GTPBP4: variants seen among roughly 807,000 people sequenced by gnomAD.
GTPBP4 encodes GTP-binding protein 4.
GTPBP4 carries 15 observed loss-of-function variants against 81.7 expected under a neutral mutation model. The observed-to-expected ratio is 0.18, with a 90% CI of 0.12 to 0.28. GTPBP4 has a LOEUF of 0.28. GTPBP4 is among the 10% of genes least tolerant of loss of function. GTPBP4 has a pLI of 1.00. For synonymous variants in GTPBP4, 272 were observed against 274.6 expected, an observed-to-expected ratio of 0.99 and a Z score of 0.09; for missense variants, 847 against 793.8, an observed-to-expected ratio of 1.07 and a Z score of -0.81.
chr10:999,228 C>T, intron 6 of GTPBP4, 133 bp downstream of exon 6: 2 of 621,654 alleles, frequency 3.2e-6, no homozygotes, highest in South Asian at 1.8e-5. Context: ...AAGTGATTCT[C>T]CTGCCTCAGC....
At chr10:990,773 C>T (rs1008790426) in intron 1 of GTPBP4, among the ~76,000 whole-genome samples, 1 of 142,462 alleles carries the variant, frequency 7.0e-6, no homozygotes, top group Non-Finnish European at 1.5e-5. Flanking sequence ...TCTCGTATGA[C>T]CATACTAGAA....
At chr10:998,099 G>A (rs2132159901) in intron 5 of GTPBP4, among the ~76,000 whole-genome samples, 1 of 151,960 alleles carries the variant, frequency 6.6e-6, no homozygotes, top group South Asian at 2.1e-4. Flanking sequence ...CTTTCTTTTT[G>A]TTGAAACTTT....
intron 2 of GTPBP4, 40 bp downstream of exon 2, chr10:992,699 G>A (rs2132155241): frequency 8.0e-7 from 1 of 1,253,612 alleles, no homozygotes; most frequent in Non-Finnish European, 1.1e-6. Context: ...TGTAAATACG[G>A]GCTTTCAGAG....
chr10:999,206 C>G, intron 6 of GTPBP4, 111 bp downstream of exon 6: 1 of 669,190 alleles, frequency 1.5e-6, no homozygotes, highest in East Asian at 2.8e-5. Context: ...GCAACCTTCA[C>G]CTCCCAGGTT....
At chr10:992,115 T>G (rs1831455226) in intron 1 of GTPBP4, among the ~76,000 whole-genome samples, 2 of 150,670 alleles carry the variant, frequency 1.3e-5, no homozygotes, top group Admixed American at 1.3e-4. Context: ...TAAGAAGGTT[T>G]CAGGGCCGGG....
intron 16 of GTPBP4, 109 bp downstream of exon 16, chr10:1,016,005 T>C: frequency 2.1e-6 from 2 of 966,532 alleles, no homozygotes; most frequent in South Asian, 3.0e-5. Flanking sequence ...ATGGCAGGGG[T>C]TGTGTGTACT....
At chr10:1,012,988 T>C (rs923108447) in intron 14 of GTPBP4, among the ~76,000 whole-genome samples, 9 of 152,060 alleles carry the variant, frequency 5.9e-5, no homozygotes, top group African/African-American at 2.2e-4. Flanking sequence ...TCTCTCTCTC[T>C]TTTTTTTAGG....
In GTPBP4 at chr10:989,219, ATTCTCCTGC is replaced by A. The variant is rs1163136750; in HGVS notation, c.48+696_48+704del. Among the ~76,000 whole-genome samples the A allele has an allele frequency of 4.1e-5, 6 of 146,324 alleles. No homozygotes were observed. In the South Asian group the frequency reaches 6.4e-4, roughly 15 times the overall value. On this transcript the variant is annotated intron_variant, in intron 1 of 16. Coordinates refer to ENST00000360803, the MANE Select transcript of GTPBP4 (RefSeq NM_012341.3). ...AACCTCCACCTCCCGCGTTCAAGCGATTCTCCTGCTTCAGCCTCCCGAGTAACAGGGATT... is the reference window on the plus strand; with the variant it reads ...AACCTCCACCTCCCGCGTTCAAGCGATTCAGCCTCCCGAGTAACAGGGATT...
At chr10:1,000,426 A>G (rs1259595050) in intron 6 of GTPBP4, among the ~76,000 whole-genome samples, 1 of 151,138 alleles carries the variant, frequency 6.6e-6, no homozygotes, top group Non-Finnish European at 1.5e-5. Context: ...TTTAGTAGAG[A>G]TGGGGTTTTG....
At position 996,215 on chromosome 10, in the gene GTPBP4, A is replaced by G. The variant is rs757768219; in HGVS notation, c.433A>G (p.Lys145Glu). 6.2e-7 allele frequency: 1 copy of G among 1,613,736 alleles called. No individual in the cohort carries two copies. Among genetic ancestry groups the G allele is most frequent in the South Asian group, 1.1e-5 (1 of 91,030 alleles). Residue 145 changes from lysine (K) to glutamate (E), a missense_variant, in exon 4 of 17, where the codon AAG becomes GAG. Around this residue, in one of 3 missense-constraint regions of GTPBP4, gnomAD observed 241 missense variants for 216.3 expected, o/e 1.11. Transcript: ENST00000360803. ...GATGTGCACAGTGATCAAGAGGCAG[A>G]AGCAGAGTTTGGAGTATTTGGAGCA... Reference protein sequence around the residue: ...GRMCTVIKRQKQSLEYLEQVR... With the variant: ...GRMCTVIKRQEQSLEYLEQVR...
chr10:1,007,268 C>G (rs953816543), intron 10 of GTPBP4, 140 bp downstream of exon 10: 1 of 603,884 alleles, frequency 1.7e-6, no homozygotes, highest in Non-Finnish European at 3.0e-6. Context: ...CACCTTCTTG[C>G]TTACATAAAG....
chr10:999,780 G>A (rs762463046), intron 6 of GTPBP4, among the ~76,000 whole-genome samples: 2 of 152,138 alleles, frequency 1.3e-5, no homozygotes, highest in Non-Finnish European at 2.9e-5. Flanking sequence ...CCAACATGGC[G>A]AAACCCCATC....
intron 1 of GTPBP4, among the ~76,000 whole-genome samples, chr10:991,167 G>A (rs543216910): frequency 1.4e-4 from 21 of 152,298 alleles, no homozygotes; most frequent in African/African-American, 4.8e-4. Flanking sequence ...ACAATACTTG[G>A]CAGACTGTGT....
rs1831829372 is a variant in GTPBP4 at position 1,010,278 on chromosome 10, C to A, written c.1244-142C>A. ...GTTGAATGAGGCTGATGTGTTGATG[C>A]TGCTGCATGTGGAATTGCACGTCGT... On this transcript the variant is annotated intron_variant, in intron 12 of 16. Transcript: ENST00000360803. 8 of 618,740 alleles carry A rather than the reference C, an allele frequency of 1.3e-5. No homozygotes were observed. In the South Asian group the frequency reaches 1.4e-4, roughly 11 times the overall value. The allele number at this position is 618,740 out of a possible 1,614,324, so 38.3% of individuals were successfully genotyped here. A position where few individuals can be genotyped will look rare whatever the true frequency, so the allele number is the denominator to read the frequency against.
Position 1,015,788 on chromosome 10 carries a change from C to A in GTPBP4, c.1644C>A (p.Ser548Arg). Reference protein sequence around the residue: ...HYAVQARRSRSITRKRKREDS... With the variant: ...HYAVQARRSRRITRKRKREDS... ...CAGTCCAGGCAAGAAGATCCCGGAG[C>A]ATCACTAGGAAAAGAAAGCGGGAAG... Residue 548 changes from serine (S) to arginine (R), a missense_variant, in exon 16 of 17, where the codon AGC becomes AGA. Ser to Arg is a moderately radical substitution (Grantham distance 110, BLOSUM62 -1). Around this residue, in one of 3 missense-constraint regions of GTPBP4, gnomAD observed 600 missense variants for 557.1 expected, o/e 1.08. Transcript: ENST00000360803. 6.2e-7 allele frequency: 1 copy of A among 1,614,088 alleles called. No homozygotes were observed. The highest frequency in any genetic ancestry group is 8.5e-7 in the Non-Finnish European group (1 of 1,179,944).
chr10:1,013,778 A>T (rs992112176), intron 14 of GTPBP4, among the ~76,000 whole-genome samples: 7 of 152,200 alleles, frequency 4.6e-5, no homozygotes, highest in Non-Finnish European at 1.0e-4. Context: ...GACATTCAGG[A>T]TGCCTCTCAG....
At chr10:991,857 G>A (rs1394045223) in intron 1 of GTPBP4, among the ~76,000 whole-genome samples, 3 of 148,286 alleles carry the variant, frequency 2.0e-5, no homozygotes, top group East Asian at 2.0e-4. Context: ...TACCACGCCC[G>A]GCTAATTTTT....
At chr10:999,278 C>T (rs540486022) in intron 6 of GTPBP4, among the ~76,000 whole-genome samples, 183 bp downstream of exon 6, 2 of 152,224 alleles carry the variant, frequency 1.3e-5, no homozygotes, top group African/African-American at 2.4e-5. Context: ...ACCACCACGA[C>T]CGGCCAATTT....
intron 1 of GTPBP4, among the ~76,000 whole-genome samples, chr10:991,781 C>T (rs1170274453): frequency 6.3e-4 from 93 of 146,974 alleles, no homozygotes; most frequent in Middle Eastern, 6.9e-3. Context: ...CTGCAAGCTC[C>T]GCCTCCCGGG....
Sources: allele counts gnomAD v4.1 joint callset (sites outside exome capture counted in the v4.1 genomes callset), GRCh38; gene constraint gnomAD v4.1.1; regional missense constraint gnomAD v4.1.1; transcripts MANE v1.5; gene names NCBI Gene and HGNC (gene_info 2026-07-23, HGNC 2026-07-21).